LINGO3: variants seen among roughly 807,000 people sequenced by gnomAD.
LINGO3 encodes the protein leucine-rich repeat and immunoglobulin-like domain-containing nogo receptor-interacting protein 3.
For missense variants in LINGO3, 750 were observed against 867.7 expected (o/e 0.86, Z 1.70); for synonymous variants, 427 against 444.2 (o/e 0.96, Z 0.49).
downstream of LINGO3, among the ~76,000 whole-genome samples, chr19:2,288,962 TGAG>T (rs949856836): frequency 8.0e-5 from 9 of 112,968 alleles, no homozygotes; most frequent in African/African-American, 5.1e-4. This position sits in a 1 kb window ranked among gnomAD's most constrained non-coding sequence, Gnocchi z 6.5. Flanking sequence ...CAGCTGGGTG[TGAG>T]GGTGTGTGTC....
the LINGO3 span, among the ~76,000 whole-genome samples, chr19:2,304,710 C>CTTTTTTTT: frequency 9.6e-5 from 7 of 73,254 alleles, no homozygotes; most frequent in East Asian, 4.3e-4. Context: ...CCATGTCCTG[C>CTTTTTTTT]TTTTTTTTTT....
chr19:2,302,971 C>A, the LINGO3 span, among the ~76,000 whole-genome samples: 1 of 152,260 alleles, frequency 6.6e-6, no homozygotes, highest in Non-Finnish European at 1.5e-5. Flanking sequence ...TCCACGCAGA[C>A]GCCCGCAGCA....
chr19:2,295,463 G>A (rs1031229321), upstream of LINGO3, among the ~76,000 whole-genome samples: 10 of 152,204 alleles, frequency 6.6e-5, no homozygotes, highest in South Asian at 2.1e-4. Flanking sequence ...TGCCCGGCGC[G>A]GTGGCTCACG....
At position 2,290,084 on chromosome 19, in the gene LINGO3, C is replaced by T; in HGVS notation, c.1693G>A (p.Val565Met). Residue 565 changes from valine (V) to methionine (M), a missense_variant, in exon 1 of 1, where the codon GTG becomes ATG. Transcript: ENST00000585527. The surrounding 1 kb of genome is among the most constrained non-coding windows in gnomAD (Gnocchi z 6.0). ...TCCACCTTGCGGAAGGAGTACTCCA[C>T]CGAGAAGTTGTTTTTGTGCTGCCCG... The T allele has an allele frequency of 6.3e-7, 1 of 1,586,334 alleles. No individual in the cohort carries two copies. The highest frequency in any genetic ancestry group is 8.6e-7 in the Non-Finnish European group (1 of 1,167,352).
downstream of LINGO3, among the ~76,000 whole-genome samples, chr19:2,289,093 T>TGTTC (rs1161393512): frequency 6.7e-6 from 1 of 149,956 alleles, no homozygotes; most frequent in African/African-American, 2.5e-5. Context: ...GTGAGCTGTG[T>TGTTC]GTTCCACTGT....
upstream of LINGO3, among the ~76,000 whole-genome samples, chr19:2,295,532 C>T (rs947517498): frequency 4.6e-5 from 7 of 152,050 alleles, no homozygotes; most frequent in Non-Finnish European, 1.0e-4. Context: ...GTCAGGAGTT[C>T]GAGAGCAGCC....
exon 1 of LINGO3, chr19:2,291,227 A>G: frequency 6.2e-7 from 1 of 1,611,328 alleles, no homozygotes; most frequent in Admixed American, 1.7e-5. Context: ...GTGAGGTTGC[A>G]GCGCTCCAGG....
At chr19:2,289,999 C>T in exon 1 of LINGO3, 3 of 1,537,082 alleles carry the variant, frequency 2.0e-6, no homozygotes, top group Non-Finnish European at 1.8e-6. Flanking sequence ...GGGGACCCCT[C>T]AGATCATCTT....
chr19:2,294,102 G>A (rs1023912340), upstream of LINGO3, among the ~76,000 whole-genome samples: 3 of 152,118 alleles, frequency 2.0e-5, no homozygotes, highest in Non-Finnish European at 2.9e-5. The surrounding 1 kb of genome is among the most constrained non-coding windows in gnomAD (Gnocchi z 4.3). Flanking sequence ...TGCTGTGCAC[G>A]GGACCTCATT....
chr19:2,289,557 T>TC (rs1279944948), downstream of LINGO3, among the ~76,000 whole-genome samples: 2 of 152,028 alleles, frequency 1.3e-5, no homozygotes, highest in East Asian at 3.9e-4. Flanking sequence ...GACCCGGGTG[T>TC]CCACCGTCTC....
At position 2,290,385 on chromosome 19, in the gene LINGO3, C is replaced by G. The variant is rs575773882; in HGVS notation, c.1392G>C (p.Thr464=). The change falls in exon 1 of 1, where the codon ACG becomes ACC. Residue 464 remains threonine (T), a synonymous_variant. Transcript: ENST00000585527. This position sits in a 1 kb window ranked among gnomAD's most constrained non-coding sequence, Gnocchi z 6.0. ...GCGGCCGCGCGTCCTGGATCTCCAGCGTCCCCCCGGGGAGCACGCGCGCCC... is the reference window on the plus strand; with the variant it reads ...GCGGCCGCGCGTCCTGGATCTCCAGGGTCCCCCCGGGGAGCACGCGCGCCC... 21 of 1,475,474 alleles carry G rather than the reference C, an allele frequency of 1.4e-5. No homozygotes were observed. In the African/African-American group the frequency reaches 3.1e-4, roughly 22 times the overall value. 91.4% of individuals were successfully genotyped at this position (1,475,474 alleles called of 1,614,324 possible). A position where few individuals can be genotyped will look rare whatever the true frequency, so the allele number is the denominator to read the frequency against.
chr19:2,289,882 G>A (rs2025500952), exon 1 of LINGO3: 1 of 856,056 alleles, frequency 1.2e-6, no homozygotes, highest in Admixed American at 3.0e-5. Context: ...AAAAGGGGAA[G>A]TTCTGCCTGG....
chr19:2,296,935 AC>A (rs1161634176), upstream of LINGO3, among the ~76,000 whole-genome samples: 14 of 151,722 alleles, frequency 9.2e-5, no homozygotes, highest in Non-Finnish European at 1.8e-4. Context: ...AAAAAAACAT[AC>A]AAAAAATTAG....
In LINGO3 at chr19:2,290,824, C is replaced by T; in HGVS notation, c.953G>A (p.Arg318His). The change falls in exon 1 of 1, where the codon CGC becomes CAC. Residue 318 changes from arginine (R) to histidine (H), a missense_variant. Transcript: ENST00000585527. The surrounding 1 kb of genome is among the most constrained non-coding windows in gnomAD (Gnocchi z 6.0). ...GGAGAGGTTGAGCAGGCGGATCTGG[C>T]GCAGGCCCAGGAAGGCCTGCGGCTC... is the stretch of plus-strand genomic sequence containing the variant. The T allele has an allele frequency of 1.2e-6, 2 of 1,612,404 alleles. No individual in the cohort carries two copies. Among genetic ancestry groups the T allele is most frequent in the Non-Finnish European group, 1.7e-6 (2 of 1,179,604 alleles).
chr19:2,296,729 G>A (rs377025002), upstream of LINGO3, among the ~76,000 whole-genome samples: 2 of 151,330 alleles, frequency 1.3e-5, no homozygotes, highest in African/African-American at 2.4e-5. Context: ...CACCCACCTC[G>A]GCCTCTCAAA....
exon 1 of LINGO3, chr19:2,291,250 A>G: frequency 6.2e-7 from 1 of 1,612,036 alleles, no homozygotes; most frequent in East Asian, 2.2e-5. Flanking sequence ...CAGCTCCTCC[A>G]GGGCCAGCAG....
Position 2,290,937 on chromosome 19 carries a change from G to A in LINGO3, c.840C>T (p.Asn280=). 2 of 1,612,038 alleles carry A rather than the reference G, an allele frequency of 1.2e-6. No homozygotes were observed. Among genetic ancestry groups the A allele is most frequent in the East Asian group, 4.5e-5 (2 of 44,862 alleles). ...ACCCCCGCGGCACCGTGCTGATGGG[G>A]TTGTGCGACAGATTGAGGCAGGTGA... is the stretch of plus-strand genomic sequence containing the variant. The change falls in exon 1 of 1, where the codon AAC becomes AAT. Residue 280 remains asparagine, a synonymous_variant. Transcript: ENST00000585527. This position sits in a 1 kb window ranked among gnomAD's most constrained non-coding sequence, Gnocchi z 6.0.
chr19:2,303,632 T>C, the LINGO3 span, among the ~76,000 whole-genome samples: 38 of 152,214 alleles, frequency 2.5e-4, no homozygotes, highest in Non-Finnish European at 3.7e-4. Flanking sequence ...TGGCGAGATC[T>C]GGGTTGCAGT....
chr19:2,295,597 G>A (rs777730121), upstream of LINGO3, among the ~76,000 whole-genome samples: 3 of 152,286 alleles, frequency 2.0e-5, no homozygotes, highest in African/African-American at 7.2e-5. Flanking sequence ...CTAGCCGGGC[G>A]TGGTGATGGG....
Sources: gnomAD v4.1 joint callset for allele counts (sites outside exome capture counted in the v4.1 genomes callset) on GRCh38, gnomAD v4.1.1 for gene constraint, Gnocchi (gnomAD v3.1) non-coding constraint, MANE v1.5 for transcripts, NCBI Gene and HGNC (gene_info 2026-07-23, HGNC 2026-07-21) for gene names.